The following PIK3CB variants were observed in gnomAD, a reference collection of about 807,000 sequenced individuals.
The protein encoded by PIK3CB is phosphatidylinositol 4,5-bisphosphate 3-kinase catalytic subunit beta isoform.
A neutral mutation model predicts 136.8 loss-of-function variants in PIK3CB; 39 were observed. The ratio of observed to expected loss-of-function variants is 0.29; its 90% CI spans 0.22 to 0.37. The LOEUF is 0.37. PIK3CB is among the 10% of genes least tolerant of loss of function. The pLI, the probability that PIK3CB is intolerant of heterozygous loss-of-function variation, is 1.00. For missense variants in PIK3CB, 868 were observed against 1,275.4 expected (o/e 0.68, Z 4.87); for synonymous variants, 428 against 436.6 (o/e 0.98, Z 0.25).
chr3:138,820,007 T>C (rs1002406022), intron 1 of PIK3CB, among the ~76,000 whole-genome samples: 1 of 152,188 alleles, frequency 6.6e-6, no homozygotes, highest in South Asian at 2.1e-4. Flanking sequence ...CCTTCTCAAG[T>C]GATTTTGATG....
At chr3:138,710,162 T>TACC (rs2044468249) in intron 10 of PIK3CB, among the ~76,000 whole-genome samples, 1 of 151,886 alleles carries the variant, frequency 6.6e-6, no homozygotes, top group South Asian at 2.1e-4. Context: ...CCAGCCTGGG[T>TACC]GACAGGGTGA....
chr3:138,793,850 T>G (rs2046080320), intron 2 of PIK3CB, among the ~76,000 whole-genome samples: 1 of 152,158 alleles, frequency 6.6e-6, no homozygotes, highest in African/African-American at 2.4e-5. Context: ...TGAGGCACCA[T>G]CTCTTAAAAA....
intron 2 of PIK3CB, among the ~76,000 whole-genome samples, chr3:138,764,995 T>C (rs78750048): frequency 6.6e-6 from 1 of 152,156 alleles, no homozygotes; most frequent in Non-Finnish European, 1.5e-5. Context: ...TAATCACTTA[T>C]GGTTAAATGA....
intron 1 of PIK3CB, among the ~76,000 whole-genome samples, chr3:138,802,446 G>A (rs1309632016): frequency 1.1e-4 from 16 of 151,292 alleles, no homozygotes; most frequent in South Asian, 6.3e-4. Flanking sequence ...AAAGAGTGGC[G>A]GAGGAAAGGA....
chr3:138,700,159 C>A (rs1012165072), intron 12 of PIK3CB, among the ~76,000 whole-genome samples: 102 of 152,238 alleles, frequency 6.7e-4, no homozygotes, highest in Admixed American at 1.9e-3. Context: ...GAGGTTGAGG[C>A]TGCAGTGAGC....
At chr3:138,789,558 C>A (rs1319907544) in intron 2 of PIK3CB, among the ~76,000 whole-genome samples, 1 of 152,204 alleles carries the variant, frequency 6.6e-6, no homozygotes, top group African/African-American at 2.4e-5. Flanking sequence ...GGGATTTACT[C>A]AGATTTGTAC....
rs2043354661 is a variant in PIK3CB at position 138,664,019 on chromosome 3, C to T, written c.2683G>A (p.Asp895Asn). ...AGTGTAAATTCCTCAATGGCTCGGTCCAGGTCATCCCTGAACAAGAGAAAA... is the reference window on the plus strand; with the variant it reads ...AGTGTAAATTCCTCAATGGCTCGGTTCAGGTCATCCCTGAACAAGAGAAAA... ...LKEYNSGDDLDRAIEEFTLSC... is the reference protein window; with the variant it reads ...LKEYNSGDDLNRAIEEFTLSC... The change falls in exon 21 of 24, where the codon GAC becomes AAC. Residue 895 changes from aspartate to asparagine, a missense_variant. Physicochemically the swap from Asp to Asn is conservative, Grantham distance 23 (BLOSUM62 1). This residue lies in a region of PIK3CB where 165 missense variants were observed against 295.4 expected (regional missense o/e 0.56). Coordinates refer to ENST00000674063, the MANE Select transcript of PIK3CB (RefSeq NM_006219.3). The T allele has an allele frequency of 6.2e-7, 1 of 1,613,404 alleles. No homozygotes were observed. The highest frequency in any genetic ancestry group is 8.5e-7 in the Non-Finnish European group (1 of 1,179,848).
At position 138,699,077 on chromosome 3, in the gene PIK3CB, A is replaced by G; in HGVS notation, c.1600T>C (p.Phe534Leu). ...AAGATTTCTTTCAATACAGGAAGAAACTTTTTTCCACCTCGACTCTAAAAA... is the reference window on the plus strand; with the variant it reads ...AAGATTTCTTTCAATACAGGAAGAAGCTTTTTTCCACCTCGACTCTAAAAA... The part of the protein sequence containing the change: ...ANVSSRGGKK[F>L]LPVLKEILDR... The change falls in exon 13 of 24, where the codon TTT (phenylalanine) becomes CTT (leucine). Residue 534 changes from phenylalanine (F) to leucine (L), a missense_variant. Transcript: ENST00000674063. 6.4e-7 allele frequency: 1 copy of G among 1,564,418 alleles called. No homozygotes were observed. Among genetic ancestry groups the G allele is most frequent in the Non-Finnish European group, 8.7e-7 (1 of 1,147,616 alleles).
intron 2 of PIK3CB, among the ~76,000 whole-genome samples, chr3:138,788,982 A>AC (rs1443530490): frequency 6.4e-4 from 95 of 147,942 alleles, no homozygotes; most frequent in Non-Finnish European, 5.5e-4. Flanking sequence ...AAAAAAAAAA[A>AC]AAAAAAAAAA....
chr3:138,759,884 G>T (rs777406466), intron 2 of PIK3CB, among the ~76,000 whole-genome samples: 7 of 150,714 alleles, frequency 4.6e-5, no homozygotes, highest in Non-Finnish European at 4.4e-5. Flanking sequence ...CTCTCAACAA[G>T]AACAATTTGC....
Position 138,688,981 on chromosome 3 carries a change from A to G in PIK3CB, c.2037-7T>C, listed in dbSNP as rs2043953174. ...AGGAATGTGCACTTCTGACCTGCAG[A>G]AAGTTAATGATATCTGAACAGTTTG... is the stretch of plus-strand genomic sequence containing the variant. On this transcript the variant is annotated splice_region_variant and splice_polypyrimidine_tract_variant and intron_variant, in intron 15 of 23. Transcript: ENST00000674063. 1 of 1,562,648 alleles carries G rather than the reference A, an allele frequency of 6.4e-7. No homozygotes were observed. The highest frequency in any genetic ancestry group is 8.8e-7 in the Non-Finnish European group (1 of 1,133,486).
At chr3:138,723,090 AG>A (rs2044762341) in intron 8 of PIK3CB, among the ~76,000 whole-genome samples, 1 of 148,006 alleles carries the variant, frequency 6.8e-6, no homozygotes, top group African/African-American at 2.4e-5. Flanking sequence ...TAAAAAGAAA[AG>A]AAGCATAAAA....
chr3:138,725,729 C>G (rs2108617077), intron 8 of PIK3CB, among the ~76,000 whole-genome samples: 1 of 152,296 alleles, frequency 6.6e-6, no homozygotes, highest in East Asian at 1.9e-4. Context: ...AACTTTCTCC[C>G]TCTCCAGTCC....
chr3:138,805,631 C>T (rs2046225645), intron 1 of PIK3CB, among the ~76,000 whole-genome samples: 1 of 151,832 alleles, frequency 6.6e-6, no homozygotes, highest in African/African-American at 2.4e-5. Context: ...AAGATTGCGC[C>T]ACAGCACTCC....
chr3:138,746,299 G>A (rs2045352842), intron 4 of PIK3CB, among the ~76,000 whole-genome samples: 2 of 152,132 alleles, frequency 1.3e-5, no homozygotes, highest in Admixed American at 6.5e-5. Context: ...GAACTCATCT[G>A]CTATTTCTAG....
At chr3:138,724,749 C>T (rs762346338) in intron 8 of PIK3CB, among the ~76,000 whole-genome samples, 11 of 152,150 alleles carry the variant, frequency 7.2e-5, no homozygotes, top group Non-Finnish European at 1.5e-4. Flanking sequence ...ATAATAGATG[C>T]TCCTATCACT....
chr3:138,713,206 T>A (rs2044540899), intron 9 of PIK3CB, among the ~76,000 whole-genome samples: 1 of 151,010 alleles, frequency 6.6e-6, no homozygotes, highest in African/African-American at 2.4e-5. Flanking sequence ...GGAGACAGGA[T>A]CTCACCATGT....
In PIK3CB at chr3:138,697,199, G is replaced by A. The variant is rs146336717; in HGVS notation, c.1770+1708C>T. On this transcript the variant is annotated intron_variant, in intron 13 of 23. Transcript: ENST00000674063. ...ACTAGACACTATCCAAAAGAAACAG[G>A]CAAATGTGTCAACTAAAAAAATGCT... Among the ~76,000 whole-genome samples, 587 of 152,124 alleles carry A rather than the reference G, an allele frequency of 3.9e-3. 6 individuals are homozygous for A. The highest frequency in any genetic ancestry group is 2.9e-3 in the Non-Finnish European group (194 of 67,998).
At chr3:138,728,544 G>A (rs531368645) in intron 8 of PIK3CB, among the ~76,000 whole-genome samples, 55 of 152,198 alleles carry the variant, frequency 3.6e-4, no homozygotes, top group African/African-American at 1.1e-3. Flanking sequence ...TTGGGAGGCC[G>A]AGGCGGGTGG....
Sources: allele counts gnomAD v4.1 joint callset (sites outside exome capture counted in the v4.1 genomes callset), GRCh38; gene constraint gnomAD v4.1.1; regional missense constraint gnomAD v4.1.1; transcripts MANE v1.5; gene names NCBI Gene and HGNC (gene_info 2026-07-23, HGNC 2026-07-21).